The following MEGF11 variants were observed in gnomAD, a reference collection of about 807,000 sequenced individuals.
The protein encoded by MEGF11 is multiple EGF like domains 11.
A neutral mutation model predicts 146.6 loss-of-function variants in MEGF11; 126 were observed. That is an observed-to-expected ratio of 0.86 (90% CI 0.74 to 1.00). The LOEUF (loss-of-function observed/expected upper bound fraction) is 1.00, where lower values mean the gene tolerates loss of function less well. Ranked by LOEUF, MEGF11 falls within the 50% of genes least tolerant of loss-of-function variation. The pLI is 0.00. For missense variants in MEGF11, 1,509 were observed against 1,521.2 expected (o/e 0.99, Z 0.13); for synonymous variants, 532 against 583.4 (o/e 0.91, Z 1.27).
chr15:66,129,756 G>A (rs115580109), intron 1 of MEGF11, among the ~76,000 whole-genome samples: 1 of 152,082 alleles, frequency 6.6e-6, no homozygotes, highest in African/African-American at 2.4e-5. Context: ...ACTCTCCTTC[G>A]CTCCACAATG....
intron 1 of MEGF11, among the ~76,000 whole-genome samples, chr15:66,130,637 GA>G (rs1437825572): frequency 1.6e-5 from 2 of 122,682 alleles, no homozygotes; most frequent in African/African-American, 6.3e-5. Flanking sequence ...AGAAGAAAAG[GA>G]AAAAAAGGAA....
rs781301173 is a variant in MEGF11 at position 65,913,911 on chromosome 15, G to A, written c.2536C>T (p.Arg846Trp). 8.7e-6 allele frequency: 14 copies of A among 1,613,980 alleles called. No homozygotes were observed. The highest frequency in any genetic ancestry group is 6.7e-5 in the Admixed American group (4 of 60,028). ...TKISPALGAE[R>W]HSVGAVTGIM... ...CCTGTGACAGCACCCACCGAGTGCC[G>A]CTCTGCACCCAGTGCTGGGCTGATC... The change falls in exon 20 of 26, where the codon CGG becomes TGG. Residue 846 changes from arginine to tryptophan, a missense_variant. Coordinates refer to ENST00000395614, the MANE Select transcript of MEGF11 (RefSeq NM_001385028.1).
intron 1 of MEGF11, among the ~76,000 whole-genome samples, chr15:66,132,796 A>G (rs2088706170): frequency 6.6e-6 from 1 of 152,098 alleles, no homozygotes; most frequent in African/African-American, 2.4e-5. Flanking sequence ...CCACTTAGAT[A>G]TGGCCTTGGC....
At chr15:65,971,524 A>G (rs1344609546) in intron 7 of MEGF11, among the ~76,000 whole-genome samples, 1 of 152,174 alleles carries the variant, frequency 6.6e-6, no homozygotes, top group Admixed American at 6.5e-5. Flanking sequence ...ACAGGCACAG[A>G]TGAAGGTGGG....
chr15:66,145,852 C>T (rs2089351851), intron 1 of MEGF11, among the ~76,000 whole-genome samples: 1 of 152,194 alleles, frequency 6.6e-6, no homozygotes, highest in Admixed American at 6.5e-5. Flanking sequence ...GTTTCCTCAC[C>T]TGCAAATGGA....
chr15:66,082,715 G>A (rs1371014174), intron 5 of MEGF11, among the ~76,000 whole-genome samples: 1 of 147,646 alleles, frequency 6.8e-6, no homozygotes, highest in East Asian at 2.0e-4. Context: ...GACTGTTTAC[G>A]TGAAGCATTT....
intron 1 of MEGF11, among the ~76,000 whole-genome samples, chr15:66,219,378 A>C (rs1347651569): frequency 6.6e-6 from 1 of 152,234 alleles, no homozygotes; most frequent in East Asian, 1.9e-4. Context: ...TCAAAAAGTC[A>C]ATTTTAAAAA....
At chr15:66,123,034 C>T (rs1480910769) in intron 3 of MEGF11, among the ~76,000 whole-genome samples, 5 of 152,144 alleles carry the variant, frequency 3.3e-5, no homozygotes, top group South Asian at 2.1e-4. Context: ...ACGCCCACCT[C>T]GGCCTCCCAA....
intron 5 of MEGF11, among the ~76,000 whole-genome samples, chr15:65,990,253 C>T (rs1397502015): frequency 2.0e-5 from 3 of 151,878 alleles, no homozygotes; most frequent in Non-Finnish European, 4.4e-5. Flanking sequence ...AAAGATGTCC[C>T]CATTCAGAAA....
At chr15:66,165,370 T>C (rs892827561) in intron 1 of MEGF11, among the ~76,000 whole-genome samples, 1 of 152,174 alleles carries the variant, frequency 6.6e-6, no homozygotes, top group Non-Finnish European at 1.5e-5. Flanking sequence ...GTCCCTGATA[T>C]ACAGCAGGTG....
intron 5 of MEGF11, among the ~76,000 whole-genome samples, chr15:66,010,838 T>C (rs1408831096): frequency 6.6e-6 from 1 of 152,160 alleles, no homozygotes; most frequent in African/African-American, 2.4e-5. Context: ...CCAGTCCATG[T>C]GGGCAGCATG....
chr15:66,098,043 CT>C (rs1275461649), intron 4 of MEGF11, among the ~76,000 whole-genome samples: 2 of 152,200 alleles, frequency 1.3e-5, no homozygotes, highest in African/African-American at 4.8e-5. Context: ...CTGCCAACTT[CT>C]TTGGCTGACT....
At chr15:66,118,794 G>A (rs1327870051) in intron 4 of MEGF11, among the ~76,000 whole-genome samples, 1 of 152,190 alleles carries the variant, frequency 6.6e-6, no homozygotes, top group Non-Finnish European at 1.5e-5. Context: ...TTCTCAGAGT[G>A]CCCACTCCAG....
Position 66,129,376 on chromosome 15 carries a change from A to G in MEGF11, c.-8-965T>C, listed in dbSNP as rs180673923. ...AGCTGGAAATCACACGCACCCAAAC[A>G]TCATCTGTAGGCTGAATGAACGCTG... is the stretch of plus-strand genomic sequence containing the variant. On this transcript the variant is annotated intron_variant, in intron 1 of 25. Transcript: ENST00000395614. 2.1e-3 allele frequency among the ~76,000 whole-genome samples: 316 copies of G among 152,360 alleles called. 1 individual carries two copies. Among genetic ancestry groups the G allele is most frequent in the African/African-American group, 6.5e-3 (272 of 41,586 alleles).
At chr15:66,073,721 C>G (rs563007883) in intron 5 of MEGF11, among the ~76,000 whole-genome samples, 1 of 152,308 alleles carries the variant, frequency 6.6e-6, no homozygotes, top group Non-Finnish European at 1.5e-5. Flanking sequence ...GGTGGGCAGC[C>G]TATTCCCTTG....
At chr15:66,034,537 A>T (rs1299063278) in intron 5 of MEGF11, among the ~76,000 whole-genome samples, 1 of 151,836 alleles carries the variant, frequency 6.6e-6, no homozygotes, top group African/African-American at 2.4e-5. Flanking sequence ...CTCCCCGCTC[A>T]GCCTCCTGAG....
intron 3 of MEGF11, 109 bp downstream of exon 3, chr15:66,123,790 G>A: frequency 1.2e-6 from 1 of 823,406 alleles, no homozygotes; most frequent in Non-Finnish European, 2.1e-6. Context: ...GTTCAGAGTG[G>A]AGGCGCGTGA....
chr15:66,000,021 CG>C (rs1567196573), intron 5 of MEGF11, among the ~76,000 whole-genome samples: 1 of 152,132 alleles, frequency 6.6e-6, no homozygotes, highest in Non-Finnish European at 1.5e-5. Context: ...CTTAACCCAC[CG>C]GACCTCTGGG....
At chr15:66,204,927 C>T (rs193092807) in intron 1 of MEGF11, among the ~76,000 whole-genome samples, 117 of 148,946 alleles carry the variant, frequency 7.9e-4, no homozygotes, top group Non-Finnish European at 1.5e-3. Context: ...GCCAAAGCAA[C>T]TAGGAACTTT....
Sources: allele counts gnomAD v4.1 joint callset (sites outside exome capture counted in the v4.1 genomes callset), GRCh38; gene constraint gnomAD v4.1.1; transcripts MANE v1.5; gene names NCBI Gene and HGNC (gene_info 2026-07-23, HGNC 2026-07-21).